The following SNRNP200 variants were observed in gnomAD, a reference collection of about 807,000 sequenced individuals.
SNRNP200 encodes small nuclear ribonucleoprotein U5 subunit 200.
SNRNP200 carries 66 observed loss-of-function variants against 255.2 expected under a neutral mutation model. The ratio of observed to expected loss-of-function variants is 0.26; its 90% confidence interval spans 0.21 to 0.32. The LOEUF (loss-of-function observed/expected upper bound fraction) is 0.32, where lower values mean the gene tolerates loss of function less well. SNRNP200 is among the 10% of genes least tolerant of loss of function. The pLI is 1.00. For missense variants in SNRNP200, 1,585 were observed against 2,749.8 expected, an observed-to-expected ratio of 0.58 and a Z score of 9.47; for synonymous variants, 939 against 1,027.8, an observed-to-expected ratio of 0.91 and a Z score of 1.65.
chr2:96,299,309 G>C lies in SNRNP200; in HGVS notation c.729+20C>G, dbSNP rs766519258. 14 of 1,607,624 alleles carry C rather than the reference G, an allele frequency of 8.7e-6. No homozygotes were observed. Among genetic ancestry groups the C allele is most frequent in the Non-Finnish European group, 1.2e-5 (14 of 1,174,444 alleles). On this transcript the variant is annotated intron_variant, in intron 6 of 44. Coordinates refer to ENST00000323853, the MANE Select transcript of SNRNP200 (RefSeq NM_014014.5). Reference sequence around the variant, plus strand: ...CCAGAAGTAACCTTGTAGCAATGAGGAAGAGCAAACTGAACTTACATTAGC... The same window carrying C: ...CCAGAAGTAACCTTGTAGCAATGAGCAAGAGCAAACTGAACTTACATTAGC...
Position 96,296,646 on chromosome 2 carries a change from T to C in SNRNP200, c.1561A>G (p.Ile521Val), listed in dbSNP as rs1420364663. ...CCGTCCATGTTTATGTGTTTCCCAA[T>C]CTCTCGGAGCATGCACATCAGGGCC... Reference protein sequence around the residue: ...NVALMCMLREIGKHINMDGTI... With the variant: ...NVALMCMLREVGKHINMDGTI... The change falls in exon 13 of 45, where the codon ATT becomes GTT. Residue 521 changes from isoleucine (I) to valine (V), a missense_variant. Ile to Val is a conservative substitution (Grantham distance 29). Around this residue, in one of 9 missense-constraint regions of SNRNP200, gnomAD observed 383 missense variants for 645.3 expected, o/e 0.59. Transcript: ENST00000323853. 5.0e-6 allele frequency: 8 copies of C among 1,613,950 alleles called. No homozygotes were observed. In the African/African-American group the frequency reaches 6.7e-5, roughly 13 times the overall value.
At position 96,284,585 on chromosome 2, in the gene SNRNP200, C is replaced by G; in HGVS notation, c.4165G>C (p.Val1389Leu). 1 of 1,611,560 alleles carries G rather than the reference C, an allele frequency of 6.2e-7. No homozygotes were observed. The highest frequency in any genetic ancestry group is 8.5e-7 in the Non-Finnish European group (1 of 1,177,732). ...ITPMEALAEQVYMDWYEKFQD... is the reference protein window; with the variant it reads ...ITPMEALAEQLYMDWYEKFQD... Reference sequence around the variant, plus strand: ...AACTTCTCGTACCAGTCCATGTATACCTGGCGGGCAGAGGAGGGAGGCAGA... The same window carrying G: ...AACTTCTCGTACCAGTCCATGTATAGCTGGCGGGCAGAGGAGGGAGGCAGA... The change falls in exon 31 of 45, where the codon GTA becomes CTA. Residue 1389 changes from valine (V) to leucine (L), a missense_variant and splice_region_variant. Physicochemically the swap from Val to Leu is conservative, Grantham distance 32. This residue lies in a region of SNRNP200 where 719 missense variants were observed against 1,091.1 expected (regional missense o/e 0.66). Transcript: ENST00000323853.
In SNRNP200 at chr2:96,284,427, C is replaced by T; in HGVS notation, c.4323G>A (p.Gln1441=). 1.2e-6 allele frequency: 2 copies of T among 1,614,202 alleles called. No homozygotes were observed. The highest frequency in any genetic ancestry group is 1.7e-6 in the Non-Finnish European group (2 of 1,180,040). Residue 1441 remains glutamine (Q), a synonymous_variant, in exon 31 of 45, where the codon CAG becomes CAA. Transcript: ENST00000323853. ...GGTTGATGTTCTGCACGTTCTTGCG[C>T]TGCTTCCATCGCCGGGAAAGTATGT... The part of the protein sequence containing the change: ...KWDILSRRWK[Q]RKNVQNINLF...
intron 24 of SNRNP200, 152 bp from the exon 25 acceptor site, chr2:96,288,121 G>T: frequency 1.4e-6 from 1 of 725,524 alleles, no homozygotes; most frequent in East Asian, 2.7e-5. Flanking sequence ...GCCTTTCTCC[G>T]TTCCATATAG....
chr2:96,305,029 G>A (rs1383982737), intron 1 of SNRNP200, among the ~76,000 whole-genome samples, 161 bp from the exon 2 acceptor site: 2 of 152,154 alleles, frequency 1.3e-5, no homozygotes, highest in Non-Finnish European at 2.9e-5. Context: ...GTATAACGCT[G>A]TGCAGAAGCG....
Position 96,283,777 on chromosome 2 carries a change from G to A in SNRNP200, c.4584+36C>T. 6.2e-7 allele frequency: 1 copy of A among 1,613,974 alleles called. No homozygotes were observed. The highest frequency in any genetic ancestry group is 1.6e-4 in the Middle Eastern group (1 of 6,062). On this transcript the variant is annotated intron_variant, in intron 32 of 44. Transcript: ENST00000323853. This position sits in a 1 kb window ranked among gnomAD's most constrained non-coding sequence, Gnocchi z 4.7. ...GACCTGGGTCACTCAGGATCTATGT[G>A]ACACCCCACAGACGGATGAGGAGAG...
rs1472296145 is a variant in SNRNP200, at chr2:96,289,672, T to C, written c.2940+127A>G. The C allele has an allele frequency of 1.6e-5, 14 of 875,830 alleles. No homozygotes were observed. In the Admixed American group the frequency reaches 2.4e-4, roughly 15 times the overall value. 54.3% of individuals were successfully genotyped at this position (875,830 alleles called of 1,614,324 possible). A position where few individuals can be genotyped will look rare whatever the true frequency, so the allele number is the denominator to read the frequency against. On this transcript the variant is annotated intron_variant, in intron 21 of 44. Transcript: ENST00000323853. Reference sequence around the variant, plus strand: ...AAGTTATGGGAAAAGCTACCCATTTTTCTGCTGTTCTAAGCAACAGGTGAT... The same window carrying C: ...AAGTTATGGGAAAAGCTACCCATTTCTCTGCTGTTCTAAGCAACAGGTGAT...
At position 96,286,234 on chromosome 2, in the gene SNRNP200, A is replaced by G; in HGVS notation, c.4003+77T>C. On this transcript the variant is annotated intron_variant, in intron 29 of 44. Transcript: ENST00000323853. The surrounding 1 kb of genome is among the most constrained non-coding windows in gnomAD (Gnocchi z 4.8). ...ACCTCCCAAGTGCCTGAGCACCCCC[A>G]CTCCCCTGCCTGCCACAGAGCACAT... The G allele has an allele frequency of 2.7e-6, 4 of 1,485,670 alleles. No homozygotes were observed. The South Asian group carries it at 4.6e-5, about 17-fold the overall frequency. 92.0% of individuals were successfully genotyped at this position (1,485,670 alleles called of 1,614,324 possible). A position where few individuals can be genotyped will look rare whatever the true frequency, so the allele number is the denominator to read the frequency against.
rs886056463 is a variant in SNRNP200, at chr2:96,291,839, A to G, written c.2222T>C (p.Met741Thr). 6.2e-7 allele frequency: 1 copy of G among 1,614,178 alleles called. No homozygotes were observed. Among genetic ancestry groups the G allele is most frequent in the Non-Finnish European group, 8.5e-7 (1 of 1,180,034 alleles). The change falls in exon 17 of 45, where the codon ATG becomes ACG. Residue 741 changes from methionine to threonine, a missense_variant. Physicochemically the swap from Met to Thr is moderately conservative, Grantham distance 81. This residue lies in a region of SNRNP200 where 140 missense variants were observed against 274.9 expected (regional missense o/e 0.51). Transcript: ENST00000323853. The surrounding 1 kb of genome is among the most constrained non-coding windows in gnomAD (Gnocchi z 4.2). ...TGKTARAIRD[M>T]CLEKDTLGLF... ...ACCCAGAGTGTCCTTTTCTAGGCAC[A>G]TGTCCCGGATGGCCCTGGCTGTCTT...
Position 96,276,900 on chromosome 2 carries a change from G to A in SNRNP200, c.6174+4C>T, listed in dbSNP as rs774620973. 15 of 1,613,912 alleles carry A rather than the reference G, an allele frequency of 9.3e-6. No homozygotes were observed. Among genetic ancestry groups the A allele is most frequent in the Admixed American group, 6.7e-5 (4 of 59,990 alleles). The stretch of plus-strand genomic sequence containing the variant: ...ACCTGACCAAGCCAGCTACCAGGAC[G>A]CACCTGCGGGAAGAGAGGCGCAATG... On this transcript the variant is annotated splice_donor_region_variant and intron_variant, in intron 43 of 44. Transcript: ENST00000323853.
At chr2:96,279,591 C>T in intron 35 of SNRNP200, 32 bp from the exon 36 acceptor site, 1 of 1,428,822 alleles carries the variant, frequency 7.0e-7, no homozygotes, top group Non-Finnish European at 9.9e-7. Context: ...GAAGGAAAAG[C>T]CACCTCAACA....
rs563287155 is a variant in SNRNP200, at chr2:96,289,024, G to A, written c.3174+13C>T. On this transcript the variant is annotated intron_variant, in intron 23 of 44. Coordinates refer to ENST00000323853, the MANE Select transcript of SNRNP200 (RefSeq NM_014014.5). ...TCCTCATCCTTATCAAAGCAAAGAG[G>A]AGAGGAGCTCACCTTAGCACTGGGT... The A allele has an allele frequency of 1.2e-6, 2 of 1,600,186 alleles. No homozygotes were observed. The highest frequency in any genetic ancestry group is 2.7e-5 in the African/African-American group (2 of 74,910).
At chr2:96,288,916 A>C in intron 23 of SNRNP200, 121 bp downstream of exon 23, 2 of 1,100,992 alleles carry the variant, frequency 1.8e-6, no homozygotes, top group Non-Finnish European at 2.7e-6. Flanking sequence ...AGAAGGCTGC[A>C]AAAACTAGGA....
rs1448158651 is a variant in SNRNP200 at position 96,303,039 on chromosome 2, C to T, written c.381+120G>A. 11 of 1,070,174 alleles carry T rather than the reference C, an allele frequency of 1.0e-5. No individual in the cohort carries two copies. In the Admixed American group the frequency reaches 1.2e-4, roughly 12 times the overall value. 66.3% of individuals were successfully genotyped at this position (1,070,174 alleles called of 1,614,324 possible). ...GAACTACCTAAGTGCTGCCAGCCAT[C>T]AGTCAACTCATCAGCATACAAAAAG... is the stretch of plus-strand genomic sequence containing the variant. On this transcript the variant is annotated intron_variant, in intron 3 of 44. Coordinates refer to ENST00000323853, the MANE Select transcript of SNRNP200 (RefSeq NM_014014.5).
intron 10 of SNRNP200, 31 bp downstream of exon 10, chr2:96,297,606 G>T: frequency 6.2e-7 from 1 of 1,614,116 alleles, no homozygotes; most frequent in East Asian, 2.2e-5. Flanking sequence ...CATCCATCAA[G>T]GCCTGGGAAA....
rs758468419 is a variant in SNRNP200, at chr2:96,277,245, C to A, written c.5932-4G>T. ...TGTCGAAAACACTCTCCACTCCCTG[C>A]AGTGAGTATTCAGACGTCAGGAAAG... On this transcript the variant is annotated splice_polypyrimidine_tract_variant and splice_region_variant and intron_variant, in intron 41 of 44. Transcript: ENST00000323853. This position sits in a 1 kb window ranked among gnomAD's most constrained non-coding sequence, Gnocchi z 4.4. The A allele has an allele frequency of 6.2e-7, 1 of 1,614,132 alleles. No homozygotes were observed. The highest frequency in any genetic ancestry group is 8.5e-7 in the Non-Finnish European group (1 of 1,180,010).
chr2:96,296,660 C>G lies in SNRNP200; in HGVS notation c.1547G>C (p.Cys516Ser), dbSNP rs754071380. The G allele has an allele frequency of 4.3e-6, 7 of 1,614,192 alleles. No individual in the cohort carries two copies. In the South Asian group the frequency reaches 5.5e-5, roughly 13 times the overall value. ...GTGTTTCCCAATCTCTCGGAGCATG[C>G]ACATCAGGGCCACGTTGGTCTTCCC... ...GAGKTNVALM[C>S]MLREIGKHIN... The change falls in exon 13 of 45, where the codon TGC becomes TCC. Residue 516 changes from cysteine to serine, a missense_variant. Around this residue, in one of 9 missense-constraint regions of SNRNP200, gnomAD observed 383 missense variants for 645.3 expected, o/e 0.59. Transcript: ENST00000323853.
Position 96,283,061 on chromosome 2 carries a change from G to C in SNRNP200, c.4915+140C>G, listed in dbSNP as rs2063814416. The stretch of plus-strand genomic sequence containing the variant: ...CGAGGTTCTTGGGAGGATCAAATGA[G>C]TTAACAGCCAAGAGTCCTAAACAGT... On this transcript the variant is annotated intron_variant, in intron 34 of 44. Coordinates refer to ENST00000323853, the MANE Select transcript of SNRNP200 (RefSeq NM_014014.5). The surrounding 1 kb of genome is among the most constrained non-coding windows in gnomAD (Gnocchi z 4.7). 2 of 1,129,206 alleles carry C rather than the reference G, an allele frequency of 1.8e-6. No individual in the cohort carries two copies. Among genetic ancestry groups the C allele is most frequent in the East Asian group, 4.8e-5 (2 of 41,492 alleles). 69.9% of individuals were successfully genotyped at this position (1,129,206 alleles called of 1,614,324 possible). A position where few individuals can be genotyped will look rare whatever the true frequency, so the allele number is the denominator to read the frequency against.
At position 96,277,386 on chromosome 2, in the gene SNRNP200, G is replaced by A; in HGVS notation, c.5932-145C>T. ...GCAGAAAGAACACAGCCCACAGTTG[G>A]CAGGCTCTCTAGCATCTCAACAGGG... On this transcript the variant is annotated intron_variant, in intron 41 of 44. Coordinates refer to ENST00000323853, the MANE Select transcript of SNRNP200 (RefSeq NM_014014.5). This position sits in a 1 kb window ranked among gnomAD's most constrained non-coding sequence, Gnocchi z 4.4. 1 of 1,264,760 alleles carries A rather than the reference G, an allele frequency of 7.9e-7. No individual in the cohort carries two copies. Among genetic ancestry groups the A allele is most frequent in the Non-Finnish European group, 1.1e-6 (1 of 874,512 alleles). The allele number at this position is 1,264,760 out of a possible 1,614,324, so 78.3% of individuals were successfully genotyped here.
Sources: gnomAD v4.1 joint callset for allele counts (sites outside exome capture counted in the v4.1 genomes callset) on GRCh38, gnomAD v4.1.1 for gene constraint, gnomAD v4.1.1 regional missense constraint, Gnocchi (gnomAD v3.1) non-coding constraint, MANE v1.5 for transcripts, NCBI Gene and HGNC (gene_info 2026-07-23, HGNC 2026-07-21) for gene names.